Variants in NEBL observed in about 807,000 individuals in gnomAD.
NEBL encodes the protein LIM and SH3 protein 2.
Under a neutral mutation model 140.2 loss-of-function variants are expected in NEBL, and 122 were observed. The ratio of observed to expected loss-of-function variants is 0.87; its 90% CI spans 0.75 to 1.01. The LOEUF (loss-of-function observed/expected upper bound fraction) is 1.01, where lower values mean the gene tolerates loss of function less well. Among genes scored for constraint, NEBL ranks in the 50% least tolerant of loss-of-function variants. The pLI, the probability that NEBL is intolerant of heterozygous loss-of-function variation, is 0.00. For synonymous variants in NEBL, 436 were observed against 398.9 expected (o/e 1.09, Z -1.11); for missense variants, 1,365 against 1,231.3 (o/e 1.11, Z -1.62).
intron 3 of NEBL, among the ~76,000 whole-genome samples, chr10:21,017,680 A>C (rs1441760976): frequency 6.6e-6 from 1 of 152,184 alleles, no homozygotes; most frequent in East Asian, 1.9e-4. Flanking sequence ...TATAACCACT[A>C]ACTGAGCCCA....
Position 20,780,195 on chromosome 10 carries a change from G to T in NEBL, c.*5552C>A, listed in dbSNP as rs987027420. 1 of 152,128 alleles carries T rather than the reference G, an allele frequency of 6.6e-6. No individual in the cohort carries two copies. Among genetic ancestry groups the T allele is most frequent in the African/African-American group, 2.4e-5 (1 of 41,432 alleles). 9.4% of individuals were successfully genotyped at this position (152,128 alleles called of 1,614,324 possible). A position where few individuals can be genotyped will look rare whatever the true frequency, so the allele number is the denominator to read the frequency against. On this transcript the variant is annotated 3_prime_UTR_variant, in exon 28 of 28. Coordinates refer to ENST00000377122, the MANE Select transcript of NEBL (RefSeq NM_006393.3). ...AGCAATTGTGTTCTGTGATAAATGAGCCTTTCTTAGCTGAGAAATCAGTTG... is the reference window on the plus strand; with the variant it reads ...AGCAATTGTGTTCTGTGATAAATGATCCTTTCTTAGCTGAGAAATCAGTTG...
chr10:21,215,659 T>C (rs1467042248), intron 3 of NEBL, among the ~76,000 whole-genome samples: 2 of 152,080 alleles, frequency 1.3e-5, no homozygotes, highest in African/African-American at 4.8e-5. Flanking sequence ...TTTGTTTTGT[T>C]TTGTTTTGTT....
chr10:20,844,372 T>C (rs1479940742), intron 12 of NEBL, among the ~76,000 whole-genome samples: 2 of 150,852 alleles, frequency 1.3e-5, no homozygotes, highest in African/African-American at 4.8e-5. Flanking sequence ...ATAAAATATA[T>C]ATTATATTGT....
chr10:21,282,907 C>CT (rs1413731944), intron 1 of NEBL, among the ~76,000 whole-genome samples: 1 of 152,066 alleles, frequency 6.6e-6, no homozygotes, highest in Non-Finnish European at 1.5e-5. Flanking sequence ...GGCAGATCAC[C>CT]TGAGGTTAAG....
At chr10:20,944,649 C>G (rs1835068295) in intron 4 of NEBL, among the ~76,000 whole-genome samples, 1 of 152,188 alleles carries the variant, frequency 6.6e-6, no homozygotes, top group African/African-American at 2.4e-5. Flanking sequence ...GACTAGCTAT[C>G]CCAGGCTTGT....
intron 2 of NEBL, among the ~76,000 whole-genome samples, chr10:21,073,356 C>G (rs1471641183): frequency 2.0e-5 from 3 of 151,194 alleles, no homozygotes; most frequent in African/African-American, 7.3e-5. Context: ...GTGGCTCATG[C>G]CTGTAATCCC....
chr10:20,891,155 A>G (rs1386509899), intron 2 of NEBL, among the ~76,000 whole-genome samples: 1 of 152,212 alleles, frequency 6.6e-6, no homozygotes, highest in African/African-American at 2.4e-5. Context: ...AGAACTAGAT[A>G]CAGATTAAGT....
chr10:20,832,427 GT>G (rs143403054), intron 14 of NEBL, among the ~76,000 whole-genome samples: 45 of 148,630 alleles, frequency 3.0e-4, no homozygotes, highest in East Asian at 1.8e-3. Flanking sequence ...AGTTATCTCT[GT>G]TTTTTTTTTA....
Position 21,288,818 on chromosome 10 carries a change from GTGTATATATA to G in NEBL, n.182+4002_182+4011del, listed in dbSNP as rs1352998771. ...CATCTGACAATATATACGTGTGTGT[GTGTATATATA>G]TATATATATATATATATATATAAAA... On this transcript the variant is annotated intron_variant and non_coding_transcript_variant, in intron 1 of 8. Coordinates refer to the NEBL transcript ENST00000675702. 1.4e-3 allele frequency among the ~76,000 whole-genome samples: 45 copies of G among 32,664 alleles called. 6 individuals are homozygous for G. The East Asian group carries it at 0.016, about 12-fold the overall frequency. 21.4% of individuals were successfully genotyped at this position (32,664 alleles called of 152,430 possible).
rs979502154 is a variant in NEBL at position 20,850,410 on chromosome 10, T to C, written c.1101A>G (p.Gln367=). ...ATTGACCTACTTCACTTTGCATCTT[T>C]TGAGCCTCCTTTGAAGCTTGATATG... ...TPSYQASKEA[Q]KMQSEKVYKE... The change falls in exon 11 of 28, where the codon CAA becomes CAG. Residue 367 remains glutamine (Q), a synonymous_variant. Coordinates refer to ENST00000377122, the MANE Select transcript of NEBL (RefSeq NM_006393.3). 6.2e-7 allele frequency: 1 copy of C among 1,606,632 alleles called. No homozygotes were observed. The highest frequency in any genetic ancestry group is 1.1e-5 in the South Asian group (1 of 90,946).
At chr10:21,103,975 G>T (rs1837594275) in intron 2 of NEBL, among the ~76,000 whole-genome samples, 1 of 152,170 alleles carries the variant, frequency 6.6e-6, no homozygotes, top group African/African-American at 2.4e-5. Context: ...GAGCTGTGAG[G>T]TAAGTGCTCA....
chr10:21,251,493 C>G (rs548895368), intron 2 of NEBL, among the ~76,000 whole-genome samples: 1 of 152,098 alleles, frequency 6.6e-6, no homozygotes, highest in African/African-American at 2.4e-5. Flanking sequence ...TCCCAAAATT[C>G]CACCTGAAAC....
intron 3 of NEBL, among the ~76,000 whole-genome samples, chr10:21,225,463 C>A (rs1321405125): frequency 6.6e-6 from 1 of 152,180 alleles, no homozygotes; most frequent in Non-Finnish European, 1.5e-5. Flanking sequence ...TTATGTTCTT[C>A]TCTTGAGGGT....
upstream of NEBL, chr10:20,899,489 T>A: frequency 8.2e-7 from 1 of 1,219,138 alleles, no homozygotes; most frequent in Admixed American, 3.0e-5. Flanking sequence ...ATGCACAAAC[T>A]TTTGAAAACA....
intron 3 of NEBL, among the ~76,000 whole-genome samples, chr10:21,216,777 AAAAAAAGAAAAAG>A (rs1276121779): frequency 6.6e-6 from 1 of 151,308 alleles, no homozygotes; most frequent in African/African-American, 2.4e-5. Flanking sequence ...TCTCGAAAAA[AAAAAAAGAAAAAG>A]AAAAAAGAAA....
At chr10:21,258,999 C>T (rs565858451) in intron 1 of NEBL, among the ~76,000 whole-genome samples, 5 of 151,764 alleles carry the variant, frequency 3.3e-5, no homozygotes, top group African/African-American at 9.7e-5. Flanking sequence ...TTACAGATGA[C>T]GAAAGTGAAG....
chr10:21,108,263 A>G (rs1016932819), intron 2 of NEBL, among the ~76,000 whole-genome samples: 1 of 152,130 alleles, frequency 6.6e-6, no homozygotes, highest in Admixed American at 6.6e-5. Context: ...TAGGGTGTCA[A>G]CATTAGATCT....
intron 2 of NEBL, among the ~76,000 whole-genome samples, chr10:21,124,380 C>T (rs313790): frequency 0.36 from 54,700 of 152,086 alleles, 10,586 homozygotes; most frequent in African/African-American, 0.51. Context: ...TTGAAGCTAA[C>T]AATATCTTCT....
chr10:20,924,519 T>C (rs1263423447), intron 4 of NEBL, among the ~76,000 whole-genome samples: 2 of 105,378 alleles, frequency 1.9e-5, no homozygotes, highest in Non-Finnish European at 3.8e-5. Flanking sequence ...GAGAGTATCT[T>C]GTATAAAAAA....
Sources: allele counts gnomAD v4.1 joint callset (sites outside exome capture counted in the v4.1 genomes callset), GRCh38; gene constraint gnomAD v4.1.1; transcripts MANE v1.5; gene names NCBI Gene and HGNC (gene_info 2026-07-23, HGNC 2026-07-21).